The following CCDC83 variants were observed in gnomAD, a reference collection of about 807,000 sequenced individuals.
The protein encoded by CCDC83 is coiled-coil domain containing 83, also known as coiled-coil domain-containing protein 83.
A neutral mutation model predicts 50.1 loss-of-function variants in CCDC83; 54 were observed. The observed-to-expected ratio is 1.08, with a 90% CI of 0.87 to 1.35. CCDC83 has a LOEUF of 1.35. Ranked by LOEUF, CCDC83 falls within the 40% of genes most tolerant of loss-of-function variation. The pLI is 0.00. For synonymous variants in CCDC83, 161 were observed against 153.3 expected (o/e 1.05, Z -0.37); for missense variants, 518 against 473.9 (o/e 1.09, Z -0.86).
chr11:85,914,282 T>A (rs963492657), intron 8 of CCDC83, among the ~76,000 whole-genome samples: 6 of 152,216 alleles, frequency 3.9e-5, no homozygotes, highest in African/African-American at 1.4e-4. Context: ...TGAAGGGTTG[T>A]TTGCACATTT....
At chr11:85,883,862 G>A (rs930974272) in intron 4 of CCDC83, among the ~76,000 whole-genome samples, 3 of 152,136 alleles carry the variant, frequency 2.0e-5, no homozygotes, top group African/African-American at 7.2e-5. Context: ...AACATCAATA[G>A]GCAAGTTTCA....
At chr11:85,890,517 G>C (rs765133149) in intron 5 of CCDC83, among the ~76,000 whole-genome samples, 5 of 152,196 alleles carry the variant, frequency 3.3e-5, no homozygotes, top group Non-Finnish European at 7.3e-5. Flanking sequence ...GACAGTACTT[G>C]CCCTGGATCA....
At chr11:85,912,781 C>G (rs761655871) in intron 8 of CCDC83, 4 of 1,190,824 alleles carry the variant, frequency 3.4e-6, no homozygotes, top group Non-Finnish European at 5.0e-6. Context: ...AGCTGCTGTC[C>G]ACTGCCCTCT....
intron 3 of CCDC83, 117 bp downstream of exon 3, chr11:85,873,412 T>A (rs868597305): frequency 6.4e-6 from 3 of 467,794 alleles, no homozygotes; most frequent in Middle Eastern, 5.7e-4. Flanking sequence ...AAGCTTGGAA[T>A]TGATTGATTT....
Position 85,919,619 on chromosome 11 carries a change from TG to T in CCDC83, c.*110del, listed in dbSNP as rs879218336. 1 of 778,332 alleles carries T rather than the reference TG, an allele frequency of 1.3e-6. No homozygotes were observed. Among genetic ancestry groups the T allele is most frequent in the South Asian group, 1.7e-5 (1 of 59,956 alleles). The allele number at this position is 778,332 out of a possible 1,614,324, so 48.2% of individuals were successfully genotyped here. A position where few individuals can be genotyped will look rare whatever the true frequency, so the allele number is the denominator to read the frequency against. On this transcript the variant is annotated 3_prime_UTR_variant, in exon 11 of 11. Coordinates refer to ENST00000342404, the MANE Select transcript of CCDC83 (RefSeq NM_001286159.2). ...CACTTTGGCTCATTTTTAAACCAGC[TG>T]TTATTTCTAAAGGTCATATTTACAT...
Position 85,896,711 on chromosome 11 carries a change from T to C in CCDC83, c.603+1327T>C, listed in dbSNP as rs565570298. On this transcript the variant is annotated intron_variant, in intron 6 of 10. Transcript: ENST00000342404. ...AATATAAAATATTTTTGAGGCATAA[T>C]TTTCAATCTTATATGTTCTCTAATT... is the stretch of plus-strand genomic sequence containing the variant. 5.9e-5 allele frequency among the ~76,000 whole-genome samples: 9 copies of C among 152,214 alleles called. No individual in the cohort carries two copies. In the East Asian group the frequency reaches 1.7e-3, roughly 29 times the overall value.
chr11:85,868,791 C>A (rs567110360), intron 2 of CCDC83, among the ~76,000 whole-genome samples: 1 of 152,344 alleles, frequency 6.6e-6, no homozygotes. Context: ...GGATTACAGG[C>A]GTGAGCCACT....
intron 5 of CCDC83, among the ~76,000 whole-genome samples, chr11:85,893,947 G>A (rs2093361273): frequency 6.6e-6 from 1 of 152,004 alleles, no homozygotes; most frequent in Admixed American, 6.6e-5. Flanking sequence ...GTTGAAAAAA[G>A]GAATGAACAA....
chr11:85,883,906 C>A (rs551908517), intron 4 of CCDC83, among the ~76,000 whole-genome samples: 7 of 152,262 alleles, frequency 4.6e-5, no homozygotes, highest in African/African-American at 1.4e-4. Flanking sequence ...TCCCATAGAC[C>A]TCCTCCTACC....
intron 9 of CCDC83, 36 bp from the exon 10 acceptor site, chr11:85,915,992 A>T: frequency 7.3e-7 from 1 of 1,368,192 alleles, no homozygotes; most frequent in Non-Finnish European, 1.0e-6. Context: ...TATGTTCAAA[A>T]TGTATACATA....
chr11:85,905,907 T>C (rs1259671962), intron 7 of CCDC83, among the ~76,000 whole-genome samples: 3 of 138,690 alleles, frequency 2.2e-5, no homozygotes, highest in African/African-American at 8.2e-5. Context: ...AGGTGGAGCT[T>C]GCAGTGAGCT....
chr11:85,882,815 C>T, intron 4 of CCDC83, 140 bp downstream of exon 4: 2 of 740,136 alleles, frequency 2.7e-6, no homozygotes, highest in South Asian at 1.9e-5. Context: ...GCCACAAACA[C>T]ATGTAGGTAA....
chr11:85,896,334 G>A (rs554379250), intron 6 of CCDC83, among the ~76,000 whole-genome samples: 2 of 146,506 alleles, frequency 1.4e-5, no homozygotes, highest in Admixed American at 7.0e-5. Flanking sequence ...CCAGGAGATC[G>A]AGGCTGTAGT....
At chr11:85,896,743 T>C (rs1592173814) in intron 6 of CCDC83, among the ~76,000 whole-genome samples, 1 of 149,764 alleles carries the variant, frequency 6.7e-6, no homozygotes, top group East Asian at 1.9e-4. Context: ...AATTCCTTTG[T>C]TTTTACACAA....
chr11:85,905,859 C>T (rs1393514033), intron 7 of CCDC83, among the ~76,000 whole-genome samples: 1 of 148,794 alleles, frequency 6.7e-6, no homozygotes, highest in African/African-American at 2.5e-5. Flanking sequence ...GTCCCAGCTA[C>T]TCAGTAGGCT....
At chr11:85,894,346 C>A (rs902887973) in intron 5 of CCDC83, among the ~76,000 whole-genome samples, 2 of 152,154 alleles carry the variant, frequency 1.3e-5, no homozygotes, top group African/African-American at 2.4e-5. Context: ...GAATTCCAAA[C>A]AATTGCCCTG....
intron 8 of CCDC83, among the ~76,000 whole-genome samples, chr11:85,912,287 T>G (rs1161037094): frequency 6.6e-6 from 1 of 152,192 alleles, no homozygotes; most frequent in Non-Finnish European, 1.5e-5. Context: ...GACATGATCA[T>G]GTATTTGTTA....
chr11:85,860,449 T>C (rs1434524677), intron 1 of CCDC83, among the ~76,000 whole-genome samples: 1 of 151,922 alleles, frequency 6.6e-6, no homozygotes, highest in East Asian at 1.9e-4. Flanking sequence ...TAAGATACTA[T>C]CACACAGGAA....
rs1461273848 is a variant in CCDC83, at chr11:85,898,499, A to ACAAAC, written c.604-448_604-447insCAAAC. Among the ~76,000 whole-genome samples, 5 of 152,356 alleles carry ACAAAC rather than the reference A, an allele frequency of 3.3e-5. No individual in the cohort carries two copies. The East Asian group carries it at 9.6e-4, about 29-fold the overall frequency. On this transcript the variant is annotated intron_variant, in intron 6 of 10. Coordinates refer to ENST00000342404, the MANE Select transcript of CCDC83 (RefSeq NM_001286159.2). The stretch of plus-strand genomic sequence containing the variant: ...GCCTACCCTGAAACTACTTGCTGTT[A>ACAAAC]GATTTACAAATAAGTACGTTGTTAT...
Sources: gnomAD v4.1 joint callset for allele counts (sites outside exome capture counted in the v4.1 genomes callset) on GRCh38, gnomAD v4.1.1 for gene constraint, MANE v1.5 for transcripts, NCBI Gene and HGNC (gene_info 2026-07-23, HGNC 2026-07-21) for gene names.